WDFY3: variants seen among roughly 807,000 people sequenced by gnomAD.
WDFY3 encodes WD repeat and FYVE domain containing 3, also known as WD repeat and FYVE domain-containing protein 3.
In WDFY3, 66 loss-of-function variants were observed where a neutral mutation model predicts 409.6. The ratio of observed to expected loss-of-function variants is 0.16; its 90% CI spans 0.13 to 0.20. WDFY3 has a LOEUF of 0.20. Among genes scored for constraint, WDFY3 ranks in the 10% least tolerant of loss-of-function variants. WDFY3 has a pLI of 1.00. For missense variants in WDFY3, 3,031 were observed against 4,298.1 expected, an observed-to-expected ratio of 0.71 and a Z score of 8.24; for synonymous variants, 1,521 against 1,537.1, an observed-to-expected ratio of 0.99 and a Z score of 0.25.
intron 1 of WDFY3, among the ~76,000 whole-genome samples, chr4:84,961,721 A>G (rs970568513): frequency 2.6e-5 from 4 of 152,202 alleles, no homozygotes; most frequent in African/African-American, 9.6e-5. Flanking sequence ...ACTGAAAATA[A>G]GAGTAAAAAA....
intron 53 of WDFY3, among the ~76,000 whole-genome samples, chr4:84,706,131 T>C (rs1375681053): frequency 1.3e-5 from 2 of 152,210 alleles, no homozygotes; most frequent in African/African-American, 4.8e-5. Flanking sequence ...GTTGACCTAA[T>C]TCATATATTT....
At chr4:84,721,655 T>C (rs1390018745) in intron 46 of WDFY3, 83 bp from the exon 47 acceptor site, 19 of 1,508,768 alleles carry the variant, frequency 1.3e-5, no homozygotes, top group East Asian at 1.1e-4. Flanking sequence ...GTTCCTTCTA[T>C]AGATTTCCAA....
chr4:84,927,046 A>G lies in WDFY3; in HGVS notation c.-132+5224T>C, dbSNP rs555459520. Reference sequence around the variant, plus strand: ...TGTATACTATGACTTAAACGTCCAAATCTAGTGAGAGTTAAAAATGTCTCA... The same window carrying G: ...TGTATACTATGACTTAAACGTCCAAGTCTAGTGAGAGTTAAAAATGTCTCA... On this transcript the variant is annotated intron_variant, in intron 2 of 67. Coordinates refer to ENST00000295888, the MANE Select transcript of WDFY3 (RefSeq NM_014991.6). 1.9e-4 allele frequency among the ~76,000 whole-genome samples: 29 copies of G among 152,304 alleles called. No homozygotes were observed. In the South Asian group the frequency reaches 5.8e-3, roughly 30 times the overall value.
intron 30 of WDFY3, among the ~76,000 whole-genome samples, chr4:84,771,984 T>G (rs558196947): frequency 2.4e-4 from 37 of 152,282 alleles, no homozygotes; most frequent in African/African-American, 8.9e-4. Context: ...CTCCTACTCA[T>G]GAAGCACAGG....
Position 84,696,737 on chromosome 4 carries a change from G to A in WDFY3, c.8683C>T (p.Arg2895Cys). 5 of 1,613,414 alleles carry A rather than the reference G, an allele frequency of 3.1e-6. No homozygotes were observed. Among genetic ancestry groups the A allele is most frequent in the Non-Finnish European group, 4.2e-6 (5 of 1,179,604 alleles). ...GDPREFIRVH[R>C]EALECDYVSA... is the part of the protein sequence containing the mutation. Reference sequence around the variant, plus strand: ...GTAAAATGTACTTCCATTACCTCACGATGGACTCTGATGAATTCTCGTGGG... The same window carrying A: ...GTAAAATGTACTTCCATTACCTCACAATGGACTCTGATGAATTCTCGTGGG... Residue 2895 changes from arginine (R) to cysteine (C), a missense_variant, in exon 57 of 68, where the codon CGT becomes TGT. Transcript: ENST00000295888.
intron 26 of WDFY3, 129 bp downstream of exon 26, chr4:84,779,979 A>G: frequency 9.5e-7 from 1 of 1,056,076 alleles, no homozygotes; most frequent in Non-Finnish European, 1.3e-6. Flanking sequence ...TTTTCATAAA[A>G]CTACTGTCTC....
intron 46 of WDFY3, among the ~76,000 whole-genome samples, chr4:84,724,168 C>T (rs188488106): frequency 7.2e-5 from 11 of 152,058 alleles, no homozygotes; most frequent in Admixed American, 7.2e-4. Flanking sequence ...TATCAAGTGC[C>T]ACTGAGAATT....
chr4:84,743,730 C>A lies in WDFY3; in HGVS notation c.6043G>T (p.Asp2015Tyr), dbSNP rs1738847819. The A allele has an allele frequency of 6.3e-7, 1 of 1,593,110 alleles. No homozygotes were observed. Among genetic ancestry groups the A allele is most frequent in the South Asian group, 1.1e-5 (1 of 88,326 alleles). Reference sequence around the variant, plus strand: ...AACACATCAGCTGCAAGCAAATGGTCCATCACGCTATCCAAAATGTAAGTT... The same window carrying A: ...AACACATCAGCTGCAAGCAAATGGTACATCACGCTATCCAAAATGTAAGTT... Reference protein sequence around the residue: ...FQTYILDSVMDHLLAADVLLG... With the variant: ...FQTYILDSVMYHLLAADVLLG... The change falls in exon 37 of 68, where the codon GAC becomes TAC. Residue 2015 changes from aspartate to tyrosine, a missense_variant. This residue lies in a region of WDFY3 where 314 missense variants were observed against 397.4 expected (regional missense o/e 0.79). Coordinates refer to ENST00000295888, the MANE Select transcript of WDFY3 (RefSeq NM_014991.6).
At chr4:84,818,357 C>T (rs1043692183) in intron 12 of WDFY3, among the ~76,000 whole-genome samples, 1 of 152,036 alleles carries the variant, frequency 6.6e-6, no homozygotes, top group African/African-American at 2.4e-5. Flanking sequence ...CTAAGTAATT[C>T]TTCTATCCCT....
Position 84,718,554 on chromosome 4 carries a change from C to A in WDFY3, c.7622G>T (p.Arg2541Leu). ...ATCTAGGCCCTGGACTCGAGCACAG[C>A]GGTACATGTGTTGGATCTATAAAGA... ...EEGEKIQHMY[R>L]CARVQGLDTS... The change falls in exon 48 of 68, where the codon CGC (arginine) becomes CTC (leucine). Residue 2541 changes from arginine to leucine, a missense_variant. Coordinates refer to ENST00000295888, the MANE Select transcript of WDFY3 (RefSeq NM_014991.6). The A allele has an allele frequency of 6.2e-7, 1 of 1,612,164 alleles. No individual in the cohort carries two copies. The highest frequency in any genetic ancestry group is 8.5e-7 in the Non-Finnish European group (1 of 1,179,142).
In WDFY3 at chr4:84,672,812, C is replaced by T; in HGVS notation, c.*56G>A. ...GTTTTCAATGCCTTCCAAGCTGGGA[C>T]AGGAGAATCGGGAAGGGGTCTACAG... is the stretch of plus-strand genomic sequence containing the variant. On this transcript the variant is annotated 3_prime_UTR_variant, in exon 68 of 68. Transcript: ENST00000295888. The T allele has an allele frequency of 4.4e-6, 7 of 1,600,862 alleles. No homozygotes were observed. The highest frequency in any genetic ancestry group is 6.0e-6 in the Non-Finnish European group (7 of 1,173,976).
At chr4:84,907,949 A>G (rs1767265981) in intron 2 of WDFY3, among the ~76,000 whole-genome samples, 1 of 152,094 alleles carries the variant, frequency 6.6e-6, no homozygotes, top group Non-Finnish European at 1.5e-5. Context: ...GGAGGAGGAG[A>G]AGCTGTTTAA....
intron 7 of WDFY3, among the ~76,000 whole-genome samples, chr4:84,832,469 G>A (rs1217498841): frequency 6.6e-6 from 1 of 152,058 alleles, no homozygotes; most frequent in Non-Finnish European, 1.5e-5. Flanking sequence ...TTTTAAATAG[G>A]TAGAAGAATG....
chr4:84,893,361 A>G (rs1765188867), intron 3 of WDFY3, among the ~76,000 whole-genome samples: 1 of 152,182 alleles, frequency 6.6e-6, no homozygotes. Context: ...ATTTGCTTCA[A>G]GGTTCACAAT....
chr4:84,812,903 A>C (rs968579780), intron 13 of WDFY3, among the ~76,000 whole-genome samples: 1 of 152,150 alleles, frequency 6.6e-6, no homozygotes, highest in Non-Finnish European at 1.5e-5. Flanking sequence ...AATGATGACA[A>C]GTAGCAAACA....
chr4:84,866,057 T>C (rs1307701573), intron 3 of WDFY3, among the ~76,000 whole-genome samples: 3 of 152,020 alleles, frequency 2.0e-5, no homozygotes, highest in Non-Finnish European at 4.4e-5. Context: ...GGTTACAGAG[T>C]GAGACCCTGT....
At position 84,726,898 on chromosome 4, in the gene WDFY3, C is replaced by T; in HGVS notation, c.7235G>A (p.Ser2412Asn). 3.1e-6 allele frequency: 5 copies of T among 1,606,422 alleles called. No homozygotes were observed. Among genetic ancestry groups the T allele is most frequent in the Non-Finnish European group, 4.2e-6 (5 of 1,177,744 alleles). ...QETNVASEIP[S>N]KQPETPDDIP... is the part of the protein sequence containing the mutation. ...ATCATCGGGTGTCTCAGGCTGTTTA[C>T]TTGGGATCTCAGACTGAAAACAGGG... Residue 2412 changes from serine (S) to asparagine (N), a missense_variant, in exon 45 of 68, where the codon AGT becomes AAT. By Grantham distance (46) the Ser-to-Asn change is conservative (BLOSUM62 1). This residue lies in a region of WDFY3 where 127 missense variants were observed against 144.4 expected (regional missense o/e 0.88). Coordinates refer to ENST00000295888, the MANE Select transcript of WDFY3 (RefSeq NM_014991.6).
rs1340440753 is a variant in WDFY3, at chr4:84,741,874, A to G, written c.6121T>C (p.Leu2041=). Residue 2041 remains leucine, a synonymous_variant, in exon 38 of 68, where the codon TTG becomes CTG. Coordinates refer to ENST00000295888, the MANE Select transcript of WDFY3 (RefSeq NM_014991.6). ...PITSGGSYQV[L]VNNVFYFTQR... ...GTGAAATAAAACACATTGTTCACCA[A>G]TACCTGGTAGCTTCCTCCACTGGTA... The G allele has an allele frequency of 1.3e-5, 21 of 1,611,296 alleles. No individual in the cohort carries two copies. The highest frequency in any genetic ancestry group is 1.7e-5 in the Non-Finnish European group (20 of 1,177,964).
intron 3 of WDFY3, among the ~76,000 whole-genome samples, chr4:84,895,050 GA>G (rs1765455463): frequency 6.6e-6 from 1 of 151,328 alleles, no homozygotes; most frequent in Non-Finnish European, 1.5e-5. Flanking sequence ...TCTCTCTTCA[GA>G]AATGTAAAAC....
Sources: allele counts gnomAD v4.1 joint callset (sites outside exome capture counted in the v4.1 genomes callset), GRCh38; gene constraint gnomAD v4.1.1; regional missense constraint gnomAD v4.1.1; transcripts MANE v1.5; gene names NCBI Gene and HGNC (gene_info 2026-07-23, HGNC 2026-07-21).